ADPRHL1: variants seen among roughly 807,000 people sequenced by gnomAD.
ADPRHL1 encodes the protein ADP-ribosylhydrolase like 1, also known as inactive ADP-ribosyltransferase ARH2.
In ADPRHL1, 43 loss-of-function variants were observed where a neutral mutation model predicts 44.1. That is an observed-to-expected ratio of 0.98 (90% CI 0.76 to 1.26). The LOEUF is 1.26. Ranked by LOEUF, ADPRHL1 falls within the 50% of genes most tolerant of loss-of-function variation. The probability of loss-of-function intolerance (pLI) is 0.00; values close to 1 mark genes in which losing one functional copy is unlikely to be tolerated. For synonymous variants in ADPRHL1, 878 were observed against 1,017.4 expected, an observed-to-expected ratio of 0.86 and a Z score of 2.61; for missense variants, 2,022 against 2,496.9, an observed-to-expected ratio of 0.81 and a Z score of 4.05.
chr13:113,412,843 C>A (rs112275279), intron 7 of ADPRHL1, among the ~76,000 whole-genome samples: 1 of 55,400 alleles, frequency 1.8e-5, no homozygotes, highest in Non-Finnish European at 3.4e-5. Context: ...CCGCCAACAG[C>A]GCCCCGCAGA....
At chr13:113,413,373 G>T (rs1370142433) in intron 7 of ADPRHL1, among the ~76,000 whole-genome samples, 1 of 152,160 alleles carries the variant, frequency 6.6e-6, no homozygotes, top group African/African-American at 2.4e-5. Context: ...CTTTCCCAGA[G>T]GCCCAGCTCT....
chr13:113,432,559 T>G (rs2044014554), intron 3 of ADPRHL1, among the ~76,000 whole-genome samples: 1 of 152,244 alleles, frequency 6.6e-6, no homozygotes, highest in South Asian at 2.1e-4. Flanking sequence ...GCCTTCCCTC[T>G]TTCATTTTAA....
Position 113,441,500 on chromosome 13 carries a change from TGG to T in ADPRHL1, c.379+2923_379+2924del, listed in dbSNP as rs1315026500. On this transcript the variant is annotated intron_variant, in intron 2 of 7. Coordinates refer to ENST00000612156, the MANE Select transcript of ADPRHL1 (RefSeq NM_001394807.1). The surrounding 1 kb of genome is among the most constrained non-coding windows in gnomAD (Gnocchi z 6.0). ...GGATGACACTGTGGCATACACGGTG[TGG>T]GAACCTCACCGTCATCGGCTTCCAT... 6.6e-6 allele frequency among the ~76,000 whole-genome samples: 1 copy of T among 152,212 alleles called. No homozygotes were observed. The highest frequency in any genetic ancestry group is 6.5e-5 in the Admixed American group (1 of 15,280).
intron 7 of ADPRHL1, among the ~76,000 whole-genome samples, chr13:113,419,202 G>C (rs1464237445): frequency 6.9e-6 from 1 of 145,058 alleles, no homozygotes; most frequent in Non-Finnish European, 1.5e-5. Context: ...AACCTCTCAG[G>C]CTCTGGCAAT....
intron 5 of ADPRHL1, 43 bp downstream of exon 5, chr13:113,425,009 A>G: frequency 1.2e-6 from 2 of 1,611,110 alleles, no homozygotes; most frequent in South Asian, 1.1e-5. Context: ...ATTGAGCACC[A>G]CTGGTGTGCC....
intron 2 of ADPRHL1, 114 bp downstream of exon 2, chr13:113,444,311 T>A (rs770859746): frequency 1.4e-6 from 2 of 1,393,446 alleles, no homozygotes; most frequent in Non-Finnish European, 2.0e-6. Context: ...TCTAGGCAGA[T>A]CCGGCCTCAC....
intron 7 of ADPRHL1, among the ~76,000 whole-genome samples, chr13:113,416,118 G>A (rs952298989): frequency 2.0e-5 from 3 of 151,448 alleles, no homozygotes; most frequent in Non-Finnish European, 4.4e-5. Context: ...CGTCTATCTA[G>A]TAAAGCCGAG....
intron 7 of ADPRHL1, among the ~76,000 whole-genome samples, chr13:113,418,994 C>T (rs1566470003): frequency 2.9e-5 from 4 of 139,406 alleles, no homozygotes; most frequent in East Asian, 2.1e-4. Flanking sequence ...CTCCCTCCCT[C>T]CCTCCCTTCC....
intron 2 of ADPRHL1, among the ~76,000 whole-genome samples, chr13:113,439,252 A>G (rs748042213): frequency 6.6e-6 from 1 of 151,856 alleles, no homozygotes; most frequent in Non-Finnish European, 1.5e-5. Context: ...CCTCCTGAAT[A>G]GCTGGGACTA....
At chr13:113,447,892 G>A (rs973740248) in intron 1 of ADPRHL1, among the ~76,000 whole-genome samples, 4 of 152,184 alleles carry the variant, frequency 2.6e-5, no homozygotes, top group Admixed American at 2.6e-4. Flanking sequence ...TCCACAAACA[G>A]CCTTTCTCAA....
Position 113,409,623 on chromosome 13 carries a change from G to A in ADPRHL1, c.1062-1403C>T, listed in dbSNP as rs1478971133. The A allele has an allele frequency of 1.0e-5, 10 of 985,188 alleles. No homozygotes were observed. The highest frequency in any genetic ancestry group is 1.1e-4 in the East Asian group (1 of 8,806). 61.0% of individuals were successfully genotyped at this position (985,188 alleles called of 1,614,324 possible). On this transcript the variant is annotated intron_variant, in intron 7 of 7. Transcript: ENST00000612156. This position sits in a 1 kb window ranked among gnomAD's most constrained non-coding sequence, Gnocchi z 4.2. ...GCTGAGGCCGGGCGCCGTGGCTCAC[G>A]CCTGTAATCTCAGCGTGATTTGGGA...
At chr13:113,445,810 C>T (rs1052743645) in intron 1 of ADPRHL1, among the ~76,000 whole-genome samples, 55 of 152,082 alleles carry the variant, frequency 3.6e-4, no homozygotes, top group African/African-American at 1.3e-3. Flanking sequence ...ACTCCTCCTC[C>T]AGGACATGAA....
At position 113,407,831 on chromosome 13, in the gene ADPRHL1, T is replaced by C; in HGVS notation, c.1451A>G (p.Lys484Arg). 8.1e-7 allele frequency: 1 copy of C among 1,231,904 alleles called. No individual in the cohort carries two copies. The highest frequency in any genetic ancestry group is 1.0e-6 in the Non-Finnish European group (1 of 987,974). 76.3% of individuals were successfully genotyped at this position (1,231,904 alleles called of 1,614,324 possible). A position where few individuals can be genotyped will look rare whatever the true frequency, so the allele number is the denominator to read the frequency against. Residue 484 changes from lysine to arginine, a missense_variant, in exon 8 of 8, where the codon AAG becomes AGG. By Grantham distance (26) the Lys-to-Arg change is conservative. Transcript: ENST00000612156. Reference sequence around the variant, plus strand: ...GCGGGGCTTCTCGCTGAGGCAGGGCTTTGGGGCCGGCTCCTTGGTCTTCTC... The same window carrying C: ...GCGGGGCTTCTCGCTGAGGCAGGGCCTTGGGGCCGGCTCCTTGGTCTTCTC... ...LLEKTKEPAP[K>R]PCLSEKPRWG...
chr13:113,424,981 T>A, intron 5 of ADPRHL1, 71 bp downstream of exon 5: 3 of 1,570,974 alleles, frequency 1.9e-6, no homozygotes, highest in Non-Finnish European at 2.6e-6. Context: ...CACCCATCCA[T>A]CCACTTGCTA....
At chr13:113,449,395 A>G (rs893956443) in intron 1 of ADPRHL1, 7 of 212,808 alleles carry the variant, frequency 3.3e-5, no homozygotes, top group Non-Finnish European at 5.6e-5. Flanking sequence ...AGAGAGGCTC[A>G]CCCGGAAGGA....
chr13:113,412,800 G>A (rs1595539270), intron 7 of ADPRHL1, among the ~76,000 whole-genome samples: 1 of 95,048 alleles, frequency 1.1e-5, no homozygotes, highest in African/African-American at 4.0e-5. Flanking sequence ...TTCACCCACC[G>A]CCAACAGCAC....
chr13:113,432,121 T>C (rs1023695306), intron 3 of ADPRHL1, among the ~76,000 whole-genome samples: 1 of 136,398 alleles, frequency 7.3e-6, no homozygotes, highest in African/African-American at 2.5e-5. Flanking sequence ...TTTTCAAATG[T>C]CCAGCTTTTT....
At chr13:113,448,743 A>T (rs532776299) in intron 1 of ADPRHL1, among the ~76,000 whole-genome samples, 12 of 152,324 alleles carry the variant, frequency 7.9e-5, no homozygotes, top group Non-Finnish European at 1.5e-4. Flanking sequence ...GGGCAGAGAC[A>T]TGTCAGATGT....
At chr13:113,424,385 A>G (rs759538373) in intron 5 of ADPRHL1, 36 bp from the exon 6 acceptor site, 2 of 1,611,822 alleles carry the variant, frequency 1.2e-6, no homozygotes, top group South Asian at 2.2e-5. Flanking sequence ...CGTGTGCCCA[A>G]GTGGAGCCAC....
Sources: allele counts gnomAD v4.1 joint callset (sites outside exome capture counted in the v4.1 genomes callset), GRCh38; gene constraint gnomAD v4.1.1; non-coding constraint Gnocchi (gnomAD v3.1); transcripts MANE v1.5; gene names NCBI Gene and HGNC (gene_info 2026-07-23, HGNC 2026-07-21).